Variants in SNX13 observed in about 807,000 individuals in gnomAD.
SNX13 encodes the protein sorting nexin-13.
SNX13 carries 45 observed loss-of-function variants against 133.6 expected under a neutral mutation model. That is an observed-to-expected ratio of 0.34 (90% confidence interval 0.27 to 0.43). The LOEUF (loss-of-function observed/expected upper bound fraction) is 0.43. SNX13 is among the 20% of genes least tolerant of loss of function. The pLI is 1.00. For synonymous variants in SNX13, 414 were observed against 373.9 expected (o/e 1.11, Z -1.24); for missense variants, 1,032 against 1,145.1 (o/e 0.90, Z 1.43).
Position 17,935,342 on chromosome 7 carries a change from T to G in SNX13, c.12+4942A>C, listed in dbSNP as rs529907795. On this transcript the variant is annotated intron_variant, in intron 1 of 25. Coordinates refer to ENST00000428135, the MANE Select transcript of SNX13 (RefSeq NM_015132.5). ...AAACTCACAGAAGTAGACAGCAGAA[T>G]GACAGATACCAGAGCCTGGAGAAGA... Among the ~76,000 whole-genome samples, 9 of 152,298 alleles carry G rather than the reference T, an allele frequency of 5.9e-5. No homozygotes were observed. In the South Asian group the frequency reaches 1.7e-3, roughly 28 times the overall value.
chr7:17,859,106 C>T (rs1238842907), intron 9 of SNX13, among the ~76,000 whole-genome samples: 1 of 151,916 alleles, frequency 6.6e-6, no homozygotes, highest in African/African-American at 2.4e-5. Context: ...TACGTTTCAT[C>T]AAAACTTTAA....
At chr7:17,877,344 T>G (rs1794845315) in intron 5 of SNX13, among the ~76,000 whole-genome samples, 1 of 151,942 alleles carries the variant, frequency 6.6e-6, no homozygotes, top group African/African-American at 2.4e-5. Context: ...AAATAAAAAC[T>G]TAAACCTAGC....
chr7:17,927,269 G>A (rs1194137693), intron 1 of SNX13, among the ~76,000 whole-genome samples: 1 of 151,300 alleles, frequency 6.6e-6, no homozygotes. Flanking sequence ...TAGAAACAGT[G>A]TCTCACTCTG....
chr7:17,932,791 G>A (rs1404885892), intron 1 of SNX13, among the ~76,000 whole-genome samples: 1 of 152,228 alleles, frequency 6.6e-6, no homozygotes, highest in Non-Finnish European at 1.5e-5. Flanking sequence ...GAGTTGTAAA[G>A]CTAACCCAAG....
chr7:17,862,992 G>A (rs556904952), intron 9 of SNX13, among the ~76,000 whole-genome samples: 4 of 152,194 alleles, frequency 2.6e-5, no homozygotes, highest in Admixed American at 2.6e-4. Flanking sequence ...CCTCAACCCT[G>A]GACAGCACAG....
intron 1 of SNX13, among the ~76,000 whole-genome samples, chr7:17,930,780 G>A (rs1301042764): frequency 6.6e-6 from 1 of 152,150 alleles, no homozygotes; most frequent in East Asian, 1.9e-4. Flanking sequence ...AGCAGCAGGG[G>A]TTAGTGGCGG....
At chr7:17,876,231 T>G (rs1656428771) in intron 5 of SNX13, among the ~76,000 whole-genome samples, 1 of 152,232 alleles carries the variant, frequency 6.6e-6, no homozygotes, top group African/African-American at 2.4e-5. Flanking sequence ...CACATTCATC[T>G]TTTTAGCTAT....
intron 1 of SNX13, among the ~76,000 whole-genome samples, chr7:17,906,989 G>A (rs139368929): frequency 1.3e-5 from 2 of 152,204 alleles, no homozygotes; most frequent in Non-Finnish European, 2.9e-5. Flanking sequence ...CAAGCTGACA[G>A]AAACATTTCC....
Position 17,912,592 on chromosome 7 carries a change from G to C in SNX13, c.13-15146C>G, listed in dbSNP as rs1008189351. Among the ~76,000 whole-genome samples, 6 of 152,112 alleles carry C rather than the reference G, an allele frequency of 3.9e-5. No homozygotes were observed. In the East Asian group the frequency reaches 1.2e-3, roughly 30 times the overall value. The stretch of plus-strand genomic sequence containing the variant: ...CACCTGGCTAATTTCTGTATTTCTA[G>C]TAGAGACGGGGTTTACACCATGTTG... On this transcript the variant is annotated intron_variant, in intron 1 of 25. Transcript: ENST00000428135.
At chr7:17,802,638 A>G (rs779334251) in intron 21 of SNX13, among the ~76,000 whole-genome samples, 1 of 152,156 alleles carries the variant, frequency 6.6e-6, no homozygotes, top group Admixed American at 6.6e-5. Context: ...GAGGCATCAG[A>G]GAAAGTATGA....
At position 17,817,472 on chromosome 7, in the gene SNX13, T is replaced by G. The variant is rs142550191; in HGVS notation, c.1846-1183A>C. On this transcript the variant is annotated intron_variant, in intron 18 of 25. Coordinates refer to ENST00000428135, the MANE Select transcript of SNX13 (RefSeq NM_015132.5). ...GTGCAGAGATTAAAGAGAAGAGAAATGAAAAGGATTAGGATAATTTCCATC... is the reference window on the plus strand; with the variant it reads ...GTGCAGAGATTAAAGAGAAGAGAAAGGAAAAGGATTAGGATAATTTCCATC... 2.4e-4 allele frequency among the ~76,000 whole-genome samples: 37 copies of G among 152,164 alleles called. No individual in the cohort carries two copies. In the East Asian group the frequency reaches 6.8e-3, roughly 28 times the overall value.
chr7:17,863,853 G>A (rs1290121819), intron 9 of SNX13, among the ~76,000 whole-genome samples: 2 of 152,204 alleles, frequency 1.3e-5, no homozygotes, highest in Non-Finnish European at 2.9e-5. Context: ...GAGAAAGAGA[G>A]GGAAGAGCAT....
chr7:17,824,304 T>TTG (rs1247238637), intron 17 of SNX13, among the ~76,000 whole-genome samples: 1 of 152,208 alleles, frequency 6.6e-6, no homozygotes, highest in Non-Finnish European at 1.5e-5. Flanking sequence ...ACCACCATTC[T>TTG]TGTGTGTGTA....
intron 12 of SNX13, among the ~76,000 whole-genome samples, chr7:17,843,527 C>T (rs2128319277): frequency 6.6e-6 from 1 of 152,074 alleles, no homozygotes; most frequent in Non-Finnish European, 1.5e-5. Flanking sequence ...TAGACCCAGA[C>T]AGAAGATAAG....
intron 12 of SNX13, 53 bp from the exon 13 acceptor site, chr7:17,840,053 G>T: frequency 2.7e-6 from 4 of 1,466,648 alleles, no homozygotes; most frequent in Admixed American, 2.1e-5. Context: ...ACAATTTGGG[G>T]TCCATGTAGT....
intron 1 of SNX13, among the ~76,000 whole-genome samples, chr7:17,916,852 C>T (rs752858934): frequency 2.3e-4 from 35 of 152,046 alleles, no homozygotes; most frequent in Non-Finnish European, 4.3e-4. Context: ...CTGGCAAAGA[C>T]ACAGCAAAAA....
chr7:17,830,255 T>C (rs897122507), intron 15 of SNX13: 21 of 980,818 alleles, frequency 2.1e-5, no homozygotes, highest in African/African-American at 1.4e-4. Flanking sequence ...TAAGTGACAA[T>C]ATAGTATGTA....
chr7:17,806,051 A>T (rs1043173392), intron 20 of SNX13, among the ~76,000 whole-genome samples: 2 of 152,228 alleles, frequency 1.3e-5, no homozygotes, highest in Middle Eastern at 3.2e-3. Context: ...CATGCACAGG[A>T]GATTACGGAT....
intron 1 of SNX13, chr7:17,897,803 G>A (rs1797370860): frequency 6.5e-6 from 1 of 154,842 alleles, no homozygotes; most frequent in African/African-American, 2.4e-5. Context: ...ATTTGCAAAT[G>A]CATATACAAA....
Sources: gnomAD v4.1 joint callset for allele counts (sites outside exome capture counted in the v4.1 genomes callset) on GRCh38, gnomAD v4.1.1 for gene constraint, MANE v1.5 for transcripts, NCBI Gene and HGNC (gene_info 2026-07-23, HGNC 2026-07-21) for gene names.